The following TRIOBP variants were observed in gnomAD, a reference collection of about 807,000 sequenced individuals.
The protein encoded by TRIOBP is TRIO and F-actin binding protein.
TRIOBP carries 169 observed loss-of-function variants against 238.8 expected under a neutral mutation model. The ratio of observed to expected loss-of-function variants is 0.71; its 90% CI spans 0.62 to 0.80. TRIOBP has a LOEUF of 0.80. Among genes scored for constraint, TRIOBP ranks in the 30% least tolerant of loss-of-function variants. The probability of loss-of-function intolerance (pLI) is 0.00; values close to 1 mark genes in which losing one functional copy is unlikely to be tolerated. For missense variants in TRIOBP, 2,838 were observed against 3,122.6 expected (o/e 0.91, Z 2.17); for synonymous variants, 1,150 against 1,274.4 (o/e 0.90, Z 2.08).
intron 3 of TRIOBP, among the ~76,000 whole-genome samples, chr22:37,707,700 G>A (rs1183024540): frequency 6.6e-6 from 1 of 151,918 alleles, no homozygotes; most frequent in Non-Finnish European, 1.5e-5. Flanking sequence ...CCAGCACTTT[G>A]GGAGGCCGAG....
chr22:37,725,596 T>A lies in TRIOBP; in HGVS notation c.3040T>A (p.Cys1014Ser). The change falls in exon 7 of 24, where the codon TGT becomes AGT. Residue 1014 changes from cysteine (C) to serine (S), a missense_variant. Cys to Ser is a moderately radical substitution (Grantham distance 112). This residue lies in a region of TRIOBP where 2,096 missense variants were observed against 2,137.4 expected (regional missense o/e 0.98). Coordinates refer to ENST00000644935, the MANE Select transcript of TRIOBP (RefSeq NM_001039141.3). ...CTCTCCTGAGCCCTCCCAGCCTCCATGTGCTGTGTGCATTGGGCACCGGGA... is the reference window on the plus strand; with the variant it reads ...CTCTCCTGAGCCCTCCCAGCCTCCAAGTGCTGTGTGCATTGGGCACCGGGA... Reference protein sequence around the residue: ...LTSPEPSQPPCAVCIGHRDAP... With the variant: ...LTSPEPSQPPSAVCIGHRDAP... 6.2e-7 allele frequency: 1 copy of A among 1,613,960 alleles called. No homozygotes were observed. Among genetic ancestry groups the A allele is most frequent in the South Asian group, 1.1e-5 (1 of 91,074 alleles).
rs1923352360 is a variant in TRIOBP at position 37,713,285 on chromosome 22, G to A, written c.330G>A (p.Glu110=). ...AAPRSRSREL[E]AVPYLEGLTT... ...CCAGGAGCAGGAGCCGGGAGCTTGAGGCAGTACCCTATCTGGAGGGCCTGA... is the reference window on the plus strand; with the variant it reads ...CCAGGAGCAGGAGCCGGGAGCTTGAAGCAGTACCCTATCTGGAGGGCCTGA... The change falls in exon 5 of 24, where the codon GAG becomes GAA. Residue 110 remains glutamate (E), a synonymous_variant. Coordinates refer to ENST00000644935, the MANE Select transcript of TRIOBP (RefSeq NM_001039141.3). 2 of 1,613,880 alleles carry A rather than the reference G, an allele frequency of 1.2e-6. No homozygotes were observed. Among genetic ancestry groups the A allele is most frequent in the Admixed American group, 1.7e-5 (1 of 59,992 alleles).
At position 37,737,386 on chromosome 22, in the gene TRIOBP, G is replaced by A. The variant is rs149279408; in HGVS notation, c.5107-1256G>A. ...AAAATCCTTGGCTTGGCACAGCTGG[G>A]TGCAGTGGCTCACATCTGTAATCCC... On this transcript the variant is annotated intron_variant, in intron 9 of 23. Coordinates refer to ENST00000644935, the MANE Select transcript of TRIOBP (RefSeq NM_001039141.3). Among the ~76,000 whole-genome samples the A allele has an allele frequency of 5.1e-3, 780 of 152,096 alleles. 6 individuals are homozygous for A. The highest frequency in any genetic ancestry group is 0.01 in the Middle Eastern group (3 of 294).
chr22:37,770,202 G>C (rs1399154683), intron 21 of TRIOBP, among the ~76,000 whole-genome samples: 1 of 149,628 alleles, frequency 6.7e-6, no homozygotes, highest in Non-Finnish European at 1.5e-5. Context: ...ACTTTGGGAG[G>C]CCGAGGCGGG....
chr22:37,721,585 C>T (rs1034704635), intron 6 of TRIOBP, among the ~76,000 whole-genome samples: 12 of 152,240 alleles, frequency 7.9e-5, no homozygotes, highest in African/African-American at 2.7e-4. Flanking sequence ...TCAGGCACTC[C>T]TCCGGCCTCA....
rs766934615 is a variant in TRIOBP at position 37,723,224 on chromosome 22, C to G, written c.668C>G (p.Ala223Gly). The G allele has an allele frequency of 6.2e-7, 1 of 1,613,974 alleles. No homozygotes were observed. Among genetic ancestry groups the G allele is most frequent in the Non-Finnish European group, 8.5e-7 (1 of 1,179,916 alleles). The change falls in exon 7 of 24, where the codon GCA becomes GGA. Residue 223 changes from alanine (A) to glycine (G), a missense_variant. Around this residue, in one of 5 missense-constraint regions of TRIOBP, gnomAD observed 535 missense variants for 537.3 expected, o/e 1.00. Coordinates refer to ENST00000644935, the MANE Select transcript of TRIOBP (RefSeq NM_001039141.3). ...GGGRSAGQHWARLRGESGLSL... is the reference protein window; with the variant it reads ...GGGRSAGQHWGRLRGESGLSL... Reference sequence around the variant, plus strand: ...GGCCGGAGCGCAGGACAGCACTGGGCAAGGCTCCGGGGAGAAAGCGGGTTG... The same window carrying G: ...GGCCGGAGCGCAGGACAGCACTGGGGAAGGCTCCGGGGAGAAAGCGGGTTG...
chr22:37,715,714 C>A, intron 5 of TRIOBP, 49 bp from the exon 6 acceptor site: 1 of 1,594,376 alleles, frequency 6.3e-7, no homozygotes, highest in Admixed American at 1.7e-5. Context: ...ATATGTCCTG[C>A]AGCCTTTTTT....
chr22:37,727,266 T>C (rs1351552600), intron 7 of TRIOBP, among the ~76,000 whole-genome samples: 2 of 149,602 alleles, frequency 1.3e-5, no homozygotes, highest in South Asian at 2.1e-4. Context: ...TTTTTTTTTT[T>C]CTTCCGTGCA....
rs1285661532 is a variant in TRIOBP, at chr22:37,735,158, G to C, written c.4822G>C (p.Ala1608Pro). Residue 1608 changes from alanine to proline, a missense_variant, in exon 9 of 24, where the codon GCT becomes CCT. Coordinates refer to ENST00000644935, the MANE Select transcript of TRIOBP (RefSeq NM_001039141.3). ...TGGACACAGGGATGACCTGGCCAGGGCTTTAGGGCCAGAGCTGGGTCCCCC... is the reference window on the plus strand; with the variant it reads ...TGGACACAGGGATGACCTGGCCAGGCCTTTAGGGCCAGAGCTGGGTCCCCC... ...PAGHRDDLAR[A>P]LGPELGPPGT... 2.5e-6 allele frequency: 4 copies of C among 1,610,104 alleles called. No individual in the cohort carries two copies. In the African/African-American group the frequency reaches 5.3e-5, roughly 22 times the overall value.
In TRIOBP at chr22:37,726,378, C is replaced by G. The variant is rs373441452; in HGVS notation, c.3822C>G (p.Ala1274=). 6.3e-7 allele frequency: 1 copy of G among 1,591,492 alleles called. No individual in the cohort carries two copies. ...NLEREEYTVL[A]DLPPPRRLAQ... ...AGCGGGAGGAGTACACTGTGCTGGC[C>G]GACCTGCCCCCACCCAGGAGGCTGG... Residue 1274 remains alanine (A), a synonymous_variant, in exon 7 of 24, where the codon GCC becomes GCG. Coordinates refer to ENST00000644935, the MANE Select transcript of TRIOBP (RefSeq NM_001039141.3).
Position 37,754,885 on chromosome 22 carries a change from C to G in TRIOBP, c.5388C>G (p.Ser1796=), listed in dbSNP as rs369186358. 28 of 1,614,026 alleles carry G rather than the reference C, an allele frequency of 1.7e-5. No homozygotes were observed. Among genetic ancestry groups the G allele is most frequent in the Non-Finnish European group, 2.4e-5 (28 of 1,180,040 alleles). ...TTCCATCCTCCTTGCAGCCTCCCTCCCCCTCGCTCACCACCACCTCTACTT... is the reference window on the plus strand; with the variant it reads ...TTCCATCCTCCTTGCAGCCTCCCTCGCCCTCGCTCACCACCACCTCTACTT... The part of the protein sequence containing the change: ...SILDEPGEPP[S]PSLTTTSTSQ... The change falls in exon 13 of 24, where the codon TCC becomes TCG. Residue 1796 remains serine, a synonymous_variant. Transcript: ENST00000644935.
chr22:37,776,529 AGAAT>A lies in TRIOBP; in HGVS notation c.*2754_*2757del, dbSNP rs1285963243. The A allele has an allele frequency of 1.3e-5, 2 of 152,270 alleles. No individual in the cohort carries two copies. The highest frequency in any genetic ancestry group is 2.9e-5 in the Non-Finnish European group (2 of 68,052). The allele number at this position is 152,270 out of a possible 1,614,324, so 9.4% of individuals were successfully genotyped here. ...AACAATACAGCTGTGTGTCAGTAGTAGAATGAATAAATTGTGGTCGATTCATACG... is the reference window on the plus strand; with the variant it reads ...AACAATACAGCTGTGTGTCAGTAGTAGAATAAATTGTGGTCGATTCATACG... On this transcript the variant is annotated 3_prime_UTR_variant, in exon 24 of 24. Coordinates refer to ENST00000644935, the MANE Select transcript of TRIOBP (RefSeq NM_001039141.3).
At chr22:37,732,049 C>T (rs1924448389) in intron 7 of TRIOBP, among the ~76,000 whole-genome samples, 1 of 152,224 alleles carries the variant, frequency 6.6e-6, no homozygotes, top group Non-Finnish European at 1.5e-5. Flanking sequence ...TCAGGCTTCT[C>T]TTCCTGGTTC....
intron 11 of TRIOBP, chr22:37,751,470 A>C: frequency 4.3e-6 from 2 of 469,266 alleles, no homozygotes; most frequent in Non-Finnish European, 7.9e-6. Context: ...CCTCTCTCCC[A>C]TTCTTGGGCG....
chr22:37,768,932 C>G, intron 19 of TRIOBP, 96 bp from the exon 20 acceptor site: 1 of 1,578,088 alleles, frequency 6.3e-7, no homozygotes, highest in African/African-American at 1.3e-5. Context: ...AGAGGGAACC[C>G]CAGAGTCCTG....
intron 11 of TRIOBP, among the ~76,000 whole-genome samples, chr22:37,748,354 G>C (rs750011865): frequency 6.6e-6 from 1 of 152,198 alleles, no homozygotes; most frequent in Admixed American, 6.5e-5. Context: ...ACAGGTGTGT[G>C]AGTGTGTGAG....
chr22:37,759,698 AG>A, intron 17 of TRIOBP: 1 of 1,502,758 alleles, frequency 6.7e-7, no homozygotes, highest in Non-Finnish European at 8.9e-7. Context: ...GGAGGTCTGC[AG>A]GACAGGGGAG....
rs375674148 is a variant in TRIOBP at position 37,725,346 on chromosome 22, C to T, written c.2790C>T (p.Ser930=). ...RTSSPSRSKQ[S]EVPWASIALR... ...CTTCCCCATCTCGCTCCAAGCAAAG[C>T]GAGGTTCCCTGGGCATCCATCGCCC... is the stretch of plus-strand genomic sequence containing the variant. Residue 930 remains serine, a synonymous_variant, in exon 7 of 24, where the codon AGC becomes AGT. Transcript: ENST00000644935. 8 of 1,613,162 alleles carry T rather than the reference C, an allele frequency of 5.0e-6. No individual in the cohort carries two copies. The African/African-American group carries it at 6.7e-5, about 13-fold the overall frequency.
At chr22:37,732,175 T>C (rs1924456781) in intron 7 of TRIOBP, among the ~76,000 whole-genome samples, 1 of 152,216 alleles carries the variant, frequency 6.6e-6, no homozygotes, top group Non-Finnish European at 1.5e-5. Context: ...GGGAGAGATA[T>C]GCCCAGGTTC....
Sources: allele counts gnomAD v4.1 joint callset (sites outside exome capture counted in the v4.1 genomes callset), GRCh38; gene constraint gnomAD v4.1.1; regional missense constraint gnomAD v4.1.1; transcripts MANE v1.5; gene names NCBI Gene and HGNC (gene_info 2026-07-23, HGNC 2026-07-21).